MTUS2: variants seen among roughly 807,000 people sequenced by gnomAD.
The protein encoded by MTUS2 is microtubule associated scaffold protein 2.
In MTUS2, 40 loss-of-function variants were observed where a neutral mutation model predicts 114.1. The observed-to-expected ratio is 0.35, with a 90% CI of 0.27 to 0.46. The LOEUF is 0.46. Ranked by LOEUF, MTUS2 falls within the 20% of genes least tolerant of loss-of-function variation. The pLI is 1.00. For missense variants in MTUS2, 1,679 were observed against 1,705.4 expected (o/e 0.98, Z 0.27); for synonymous variants, 688 against 672.0 (o/e 1.02, Z -0.37).
At chr13:29,217,126 A>G (rs1895712642) in intron 5 of MTUS2, among the ~76,000 whole-genome samples, 1 of 152,152 alleles carries the variant, frequency 6.6e-6, no homozygotes, top group Non-Finnish European at 1.5e-5. Flanking sequence ...GTCCTCTTTC[A>G]TTCTGAATTT....
chr13:28,995,682 C>G (rs770710450), intron 2 of MTUS2, among the ~76,000 whole-genome samples: 4 of 152,066 alleles, frequency 2.6e-5, no homozygotes, highest in African/African-American at 7.2e-5. Context: ...GGAGTTCACT[C>G]ATGATTTGGT....
intron 5 of MTUS2, among the ~76,000 whole-genome samples, chr13:29,233,296 G>A (rs770311605): frequency 1.3e-5 from 2 of 151,930 alleles, no homozygotes; most frequent in African/African-American, 2.4e-5. Context: ...GGACATAGGT[G>A]ACCAAAAAGT....
intron 6 of MTUS2, among the ~76,000 whole-genome samples, chr13:29,311,296 G>A (rs1426737124): frequency 6.6e-6 from 1 of 152,144 alleles, no homozygotes; most frequent in African/African-American, 2.4e-5. Flanking sequence ...ACATCCCTCT[G>A]GCTGCCAGTG....
Position 28,977,450 on chromosome 13 carries a change from T to C in MTUS2, c.-242-47007T>C, listed in dbSNP as rs117081568. ...AAACTGGGAAACTTACTACCTTTTATATTTTTATGGGAGACTATTTTCTCA... is the reference window on the plus strand; with the variant it reads ...AAACTGGGAAACTTACTACCTTTTACATTTTTATGGGAGACTATTTTCTCA... On this transcript the variant is annotated intron_variant, in intron 2 of 15. Coordinates refer to ENST00000612955, the MANE Select transcript of MTUS2 (RefSeq NM_001033602.4). 6.0e-3 allele frequency among the ~76,000 whole-genome samples: 917 copies of C among 152,336 alleles called. 5 individuals are homozygous for C. Among genetic ancestry groups the C allele is most frequent in the Middle Eastern group, 0.014 (4 of 294 alleles).
intron 5 of MTUS2, among the ~76,000 whole-genome samples, chr13:29,204,937 C>T (rs542087744): frequency 1.2e-4 from 18 of 152,262 alleles, no homozygotes; most frequent in Non-Finnish European, 1.5e-5. Context: ...GGGGCACTAC[C>T]CAGATGATCT....
intron 8 of MTUS2, among the ~76,000 whole-genome samples, chr13:29,396,253 C>T (rs1373277683): frequency 6.6e-6 from 1 of 152,058 alleles, no homozygotes; most frequent in Admixed American, 6.5e-5. Flanking sequence ...TCAAAAGCAC[C>T]AACACACTGA....
chr13:29,383,244 G>A (rs868005834), intron 8 of MTUS2, among the ~76,000 whole-genome samples: 994 of 53,526 alleles, frequency 0.019, 18 homozygotes, highest in African/African-American at 0.037. Context: ...GTGTGTGTGT[G>A]TGTGTGTGTA....
At chr13:29,423,155 G>T (rs768251410) in intron 8 of MTUS2, among the ~76,000 whole-genome samples, 15 of 152,082 alleles carry the variant, frequency 9.9e-5, no homozygotes, top group Non-Finnish European at 1.6e-4. Context: ...TGGAATTTAG[G>T]CCCCAGCCTC....
In MTUS2 at chr13:29,324,727, G is replaced by C. The variant is rs200750543; in HGVS notation, c.2905+16G>C. ...CATTCACCAGGTATGTAAGAAATATGATGTGTTCCTTGGGGGAATGACTTG... is the reference window on the plus strand; with the variant it reads ...CATTCACCAGGTATGTAAGAAATATCATGTGTTCCTTGGGGGAATGACTTG... On this transcript the variant is annotated intron_variant, in intron 7 of 15. Coordinates refer to ENST00000612955, the MANE Select transcript of MTUS2 (RefSeq NM_001033602.4). 3.3e-4 allele frequency: 526 copies of C among 1,570,862 alleles called. 3 individuals are homozygous for C. The African/African-American group carries it at 6.3e-3, about 19-fold the overall frequency.
intron 5 of MTUS2, among the ~76,000 whole-genome samples, chr13:29,137,493 G>T (rs567418080): frequency 1.1e-3 from 163 of 152,074 alleles, no homozygotes; most frequent in African/African-American, 3.8e-3. Context: ...TGGTTGACCT[G>T]ATGGTGTCCC....
At chr13:29,389,324 T>TGTATGTATGTATACAC (rs1566172301) in intron 8 of MTUS2, among the ~76,000 whole-genome samples, 2 of 54,472 alleles carry the variant, frequency 3.7e-5, no homozygotes, top group African/African-American at 8.3e-5. Context: ...TATACACATA[T>TGTATGTATGTATACAC]GTGTGTATAT....
chr13:29,135,701 A>G (rs1023825721), intron 5 of MTUS2, among the ~76,000 whole-genome samples: 5 of 151,760 alleles, frequency 3.3e-5, no homozygotes, highest in Non-Finnish European at 7.4e-5. Context: ...TGTATTTTCT[A>G]TAGTAATTTT....
intron 5 of MTUS2, among the ~76,000 whole-genome samples, chr13:29,221,914 A>C (rs941990137): frequency 6.6e-6 from 1 of 152,054 alleles, no homozygotes; most frequent in Non-Finnish European, 1.5e-5. Flanking sequence ...ACTGATTTTT[A>C]TGGATACCAT....
chr13:29,368,504 C>T (rs9579360), intron 8 of MTUS2, among the ~76,000 whole-genome samples: 30,794 of 151,930 alleles, frequency 0.2, 3,242 homozygotes, highest in Middle Eastern at 0.25. Flanking sequence ...ACATTTCCAC[C>T]ACAAAGAAAT....
rs1243680316 is a variant in MTUS2, at chr13:29,496,052, C to T, written c.3580-1186C>T. On this transcript the variant is annotated intron_variant, in intron 12 of 15. Coordinates refer to ENST00000612955, the MANE Select transcript of MTUS2 (RefSeq NM_001033602.4). The surrounding 1 kb of genome is among the most constrained non-coding windows in gnomAD (Gnocchi z 4.3). Reference sequence around the variant, plus strand: ...GTGCAAAGAGCTTTGGACTGGTCTGCATGAGTGAGACATGAAGGGTGAAGG... The same window carrying T: ...GTGCAAAGAGCTTTGGACTGGTCTGTATGAGTGAGACATGAAGGGTGAAGG... Among the ~76,000 whole-genome samples, 2 of 152,134 alleles carry T rather than the reference C, an allele frequency of 1.3e-5. No individual in the cohort carries two copies. Among genetic ancestry groups the T allele is most frequent in the Non-Finnish European group, 2.9e-5 (2 of 68,026 alleles).
At chr13:29,049,354 G>T (rs190819086) in intron 4 of MTUS2, among the ~76,000 whole-genome samples, 1 of 152,198 alleles carries the variant, frequency 6.6e-6, no homozygotes, top group East Asian at 1.9e-4. Context: ...ATAGCGGGGG[G>T]CTGTAGAGCT....
intron 8 of MTUS2, among the ~76,000 whole-genome samples, chr13:29,431,762 C>T (rs1170690158): frequency 6.6e-6 from 1 of 152,168 alleles, no homozygotes; most frequent in African/African-American, 2.4e-5. Flanking sequence ...ATGGTAAACA[C>T]AGTGGGAGAT....
intron 7 of MTUS2, among the ~76,000 whole-genome samples, chr13:29,330,720 G>A (rs1011847338): frequency 6.6e-6 from 1 of 152,092 alleles, no homozygotes; most frequent in Non-Finnish European, 1.5e-5. Flanking sequence ...GTTTTTGTCA[G>A]GGTTGTCAAA....
intron 5 of MTUS2, among the ~76,000 whole-genome samples, chr13:29,211,779 C>T (rs1401282991): frequency 6.6e-6 from 1 of 151,828 alleles, no homozygotes; most frequent in African/African-American, 2.4e-5. Flanking sequence ...ACACTTTAGA[C>T]ACTCATAGTT....
Sources: allele counts gnomAD v4.1 joint callset (sites outside exome capture counted in the v4.1 genomes callset), GRCh38; gene constraint gnomAD v4.1.1; non-coding constraint Gnocchi (gnomAD v3.1); transcripts MANE v1.5; gene names NCBI Gene and HGNC (gene_info 2026-07-23, HGNC 2026-07-21).